KIAA0586: variants seen among roughly 807,000 people sequenced by gnomAD.
KIAA0586 encodes the protein KIAA0586, also known as protein TALPID3.
In KIAA0586, 144 loss-of-function variants were observed where a neutral mutation model predicts 169.8. That is an observed-to-expected ratio of 0.85 (90% CI 0.74 to 0.97). The LOEUF (loss-of-function observed/expected upper bound fraction) is 0.97. Ranked by LOEUF, KIAA0586 falls within the 50% of genes least tolerant of loss-of-function variation. The pLI, the probability that KIAA0586 is intolerant of heterozygous loss-of-function variation, is 0.00. For missense variants in KIAA0586, 1,854 were observed against 1,823.0 expected, an observed-to-expected ratio of 1.02 and a Z score of -0.31; for synonymous variants, 625 against 612.4, an observed-to-expected ratio of 1.02 and a Z score of -0.30.
chr14:58,494,019 A>T (rs967835731), intron 26 of KIAA0586, among the ~76,000 whole-genome samples: 1 of 152,152 alleles, frequency 6.6e-6, no homozygotes, highest in Non-Finnish European at 1.5e-5. Flanking sequence ...GAAATCACTA[A>T]TATCAGTGTA....
At chr14:58,478,492 A>G (rs919921558) in intron 20 of KIAA0586, among the ~76,000 whole-genome samples, 12 of 152,050 alleles carry the variant, frequency 7.9e-5, no homozygotes, top group Non-Finnish European at 1.5e-4. Context: ...CAATCAGTCA[A>G]TCAATCAGTC....
rs1237538352 is a variant in KIAA0586 at position 58,548,745 on chromosome 14, C to T, written c.*813C>T. 1 of 151,976 alleles carries T rather than the reference C, an allele frequency of 6.6e-6. No homozygotes were observed. Among genetic ancestry groups the T allele is most frequent in the Non-Finnish European group, 1.5e-5 (1 of 67,990 alleles). 9.4% of individuals were successfully genotyped at this position (151,976 alleles called of 1,614,324 possible). ...TGTATACCATATAAACCTTTATAAA[C>T]CTGTGAAACATGTAACTCTATTACC... On this transcript the variant is annotated 3_prime_UTR_variant, in exon 31 of 31. Coordinates refer to ENST00000652326, the MANE Select transcript of KIAA0586 (RefSeq NM_001329943.3).
At chr14:58,487,609 A>C (rs1029597585) in intron 22 of KIAA0586, among the ~76,000 whole-genome samples, 18 of 148,258 alleles carry the variant, frequency 1.2e-4, no homozygotes, top group South Asian at 2.1e-4. Context: ...CCGTCTCACA[A>C]AAAAAAAAAA....
rs750083067 is a variant in KIAA0586 at position 58,450,729 on chromosome 14, A to G, written c.1112A>G (p.Glu371Gly). The G allele has an allele frequency of 6.2e-7, 1 of 1,604,320 alleles. No individual in the cohort carries two copies. ...ENLLEEKENM[E>G]VSCHRGNVRL... ...CTTTTGGAAGAAAAAGAAAATATGGAAGTGTCGTGTCACAGAGGTAATAGA... is the reference window on the plus strand; with the variant it reads ...CTTTTGGAAGAAAAAGAAAATATGGGAGTGTCGTGTCACAGAGGTAATAGA... Residue 371 changes from glutamate to glycine, a missense_variant, in exon 8 of 31, where the codon GAA becomes GGA. Coordinates refer to ENST00000652326, the MANE Select transcript of KIAA0586 (RefSeq NM_001329943.3).
chr14:58,467,996 A>G (rs1299193916), intron 16 of KIAA0586, 74 bp downstream of exon 16: 3 of 842,314 alleles, frequency 3.6e-6, no homozygotes, highest in Non-Finnish European at 3.7e-6. Context: ...ACGGAAATCC[A>G]TTATATTGCT....
In KIAA0586 at chr14:58,521,516, C is replaced by T. The variant is rs1051454836; in HGVS notation, c.4429+8889C>T. The T allele has an allele frequency of 3.7e-4, 288 of 771,930 alleles. 1 individual carries two copies. The highest frequency in any genetic ancestry group is 9.9e-5 in the Non-Finnish European group (42 of 426,152). 47.8% of individuals were successfully genotyped at this position (771,930 alleles called of 1,614,324 possible). ...TACAGTTACCCAGCACATGTTCCTC[C>T]TCCTCCTATTGCTCGGGCTGTAGTG... On this transcript the variant is annotated intron_variant, in intron 29 of 30. Coordinates refer to ENST00000652326, the MANE Select transcript of KIAA0586 (RefSeq NM_001329943.3).
At chr14:58,538,290 A>G (rs1030923353) in intron 29 of KIAA0586, among the ~76,000 whole-genome samples, 21 of 152,350 alleles carry the variant, frequency 1.4e-4, no homozygotes, top group African/African-American at 5.0e-4. Flanking sequence ...CTACAGTATA[A>G]CAATAATAGT....
chr14:58,489,135 A>G (rs2042667317), intron 24 of KIAA0586, among the ~76,000 whole-genome samples: 1 of 151,968 alleles, frequency 6.6e-6, no homozygotes. Context: ...TTGTCTATGC[A>G]TATATAGACA....
At chr14:58,433,311 C>A (rs902044574) in intron 4 of KIAA0586, 1 of 152,260 alleles carries the variant, frequency 6.6e-6, no homozygotes, top group African/African-American at 2.4e-5. Context: ...AGGTGATCCG[C>A]CCACCTTGGT....
At chr14:58,445,285 C>A (rs2140594530) in intron 6 of KIAA0586, among the ~76,000 whole-genome samples, 1 of 152,190 alleles carries the variant, frequency 6.6e-6, no homozygotes, top group Middle Eastern at 3.4e-3. Flanking sequence ...ACCTGGTGTA[C>A]ATGTTTGCTT....
At chr14:58,480,765 C>T (rs1183326922) in intron 20 of KIAA0586, among the ~76,000 whole-genome samples, 2 of 152,270 alleles carry the variant, frequency 1.3e-5, no homozygotes, top group Middle Eastern at 3.4e-3. Flanking sequence ...CTAATTTGTC[C>T]TATTTAGCAT....
intron 12 of KIAA0586, among the ~76,000 whole-genome samples, chr14:58,459,087 T>G (rs2040112939): frequency 6.6e-6 from 1 of 152,140 alleles, no homozygotes; most frequent in African/African-American, 2.4e-5. Context: ...TTTTATATAT[T>G]TGAGTGAGCG....
At chr14:58,464,092 A>G (rs2040546958) in intron 14 of KIAA0586, 1 of 422,564 alleles carries the variant, frequency 2.4e-6, no homozygotes, top group Admixed American at 2.9e-5. Context: ...GAAGAACATC[A>G]CAGACCCCAT....
intron 29 of KIAA0586, among the ~76,000 whole-genome samples, chr14:58,525,744 A>G (rs933572379): frequency 6.6e-6 from 1 of 152,242 alleles, no homozygotes; most frequent in Non-Finnish European, 1.5e-5. Context: ...GGCTGAAGCC[A>G]GGGAGCCAAG....
chr14:58,525,231 A>G (rs1216137958), intron 29 of KIAA0586, among the ~76,000 whole-genome samples: 1 of 152,100 alleles, frequency 6.6e-6, no homozygotes, highest in Non-Finnish European at 1.5e-5. Flanking sequence ...GAATATATTT[A>G]AGATTATATG....
intron 4 of KIAA0586, among the ~76,000 whole-genome samples, chr14:58,436,335 A>G (rs1237376754): frequency 3.3e-5 from 5 of 152,236 alleles, no homozygotes; most frequent in African/African-American, 1.2e-4. Context: ...AACAATTACC[A>G]TAGCAATGTC....
intron 12 of KIAA0586, 130 bp downstream of exon 12, chr14:58,458,675 C>T (rs2040071639): frequency 1.8e-6 from 1 of 549,722 alleles, no homozygotes; most frequent in Non-Finnish European, 3.2e-6. Context: ...ATTTAATTGT[C>T]ACTCTTTATA....
intron 3 of KIAA0586, among the ~76,000 whole-genome samples, chr14:58,432,095 C>G (rs2037422354): frequency 6.6e-6 from 1 of 152,060 alleles, no homozygotes; most frequent in Non-Finnish European, 1.5e-5. Context: ...GCTGGGACTT[C>G]CACTACTGTA....
intron 29 of KIAA0586, among the ~76,000 whole-genome samples, chr14:58,537,771 C>G (rs2046389108): frequency 6.6e-6 from 1 of 151,970 alleles, no homozygotes; most frequent in Non-Finnish European, 1.5e-5. Flanking sequence ...CCTCAGCCTC[C>G]CGAGTAGCTG....
Sources: gnomAD v4.1 joint callset for allele counts (sites outside exome capture counted in the v4.1 genomes callset) on GRCh38, gnomAD v4.1.1 for gene constraint, MANE v1.5 for transcripts, NCBI Gene and HGNC (gene_info 2026-07-23, HGNC 2026-07-21) for gene names.